Variants in SLC7A11 observed in about 807,000 individuals in gnomAD.
SLC7A11 encodes the protein solute carrier family 7 member 11, also known as cystine/glutamate transporter.
In SLC7A11, 35 loss-of-function variants were observed where a neutral mutation model predicts 54.5. The ratio of observed to expected loss-of-function variants is 0.64; its 90% CI spans 0.49 to 0.85. The LOEUF is 0.85. Among genes scored for constraint, SLC7A11 ranks in the 40% least tolerant of loss-of-function variants. The pLI, the probability that SLC7A11 is intolerant of heterozygous loss-of-function variation, is 0.00. For synonymous variants in SLC7A11, 230 were observed against 225.2 expected (o/e 1.02, Z -0.19); for missense variants, 583 against 618.1 (o/e 0.94, Z 0.60).
At chr4:138,237,889 T>A (rs1217395637) in intron 1 of SLC7A11, among the ~76,000 whole-genome samples, 1 of 148,962 alleles carries the variant, frequency 6.7e-6, no homozygotes. Flanking sequence ...GTAGTTGGGA[T>A]TAGAGGTGCC....
chr4:138,167,352 A>G lies in SLC7A11; in HGVS notation c.*4604T>C, dbSNP rs1000286592. On this transcript the variant is annotated 3_prime_UTR_variant, in exon 12 of 12. Transcript: ENST00000280612. The stretch of plus-strand genomic sequence containing the variant: ...TTTTTAGTTGAGACAGGGTTTCACC[A>G]TGTTGGCCAGGCTGATCTCGAACTC... The G allele has an allele frequency of 2.2e-4, 33 of 151,532 alleles. No homozygotes were observed. Among genetic ancestry groups the G allele is most frequent in the Admixed American group, 2.1e-3 (32 of 15,180 alleles). The allele number at this position is 151,532 out of a possible 1,614,324, so 9.4% of individuals were successfully genotyped here.
intron 1 of SLC7A11, among the ~76,000 whole-genome samples, chr4:138,237,739 T>TATATATA (rs1738270196): frequency 2.2e-4 from 2 of 9,194 alleles, no homozygotes; most frequent in Admixed American, 2.2e-3. Flanking sequence ...ATATATATAT[T>TATATATA]TTTTTTTTTT....
At chr4:138,184,146 G>A (rs921313197) in intron 7 of SLC7A11, among the ~76,000 whole-genome samples, 9 of 152,146 alleles carry the variant, frequency 5.9e-5, no homozygotes, top group South Asian at 2.1e-4. Context: ...GCTGCCCTTT[G>A]TCTCAAAAGA....
chr4:138,224,542 A>C (rs761567913), intron 3 of SLC7A11, among the ~76,000 whole-genome samples: 1 of 152,114 alleles, frequency 6.6e-6, no homozygotes, highest in Admixed American at 6.6e-5. Context: ...TGATATAGTT[A>C]CTAGCTCACT....
At chr4:138,237,383 T>C (rs1456130386) in intron 1 of SLC7A11, among the ~76,000 whole-genome samples, 1 of 151,392 alleles carries the variant, frequency 6.6e-6, no homozygotes, top group Non-Finnish European at 1.5e-5. Context: ...TGAAGTGTAC[T>C]CTCTGGGTGT....
chr4:138,181,934 T>C (rs1051858100), intron 9 of SLC7A11, among the ~76,000 whole-genome samples: 29 of 152,274 alleles, frequency 1.9e-4, no homozygotes, highest in African/African-American at 6.0e-4. Context: ...TGGGTACTTT[T>C]TGGACTGTAG....
intron 2 of SLC7A11, 85 bp downstream of exon 2, chr4:138,236,240 G>A (rs915539655): frequency 8.7e-7 from 1 of 1,154,170 alleles, no homozygotes; most frequent in Middle Eastern, 2.2e-4. Flanking sequence ...TGACATGCAT[G>A]TGTCTAACCA....
chr4:138,174,418 C>T (rs530292114), intron 11 of SLC7A11: 4 of 152,302 alleles, frequency 2.6e-5, no homozygotes, highest in African/African-American at 9.6e-5. Flanking sequence ...TTTAATCAGC[C>T]CTGTTGACAA....
At position 138,180,796 on chromosome 4, in the gene SLC7A11, G is replaced by C; in HGVS notation, c.1117-6C>G. On this transcript the variant is annotated splice_polypyrimidine_tract_variant and splice_region_variant and intron_variant, in intron 9 of 11. Coordinates refer to ENST00000280612, the MANE Select transcript of SLC7A11 (RefSeq NM_014331.4). ...ATTATCATTGTCAAAGGGTGCTGAG[G>C]GGGGAAAGGGAAGCAAGCTTGGTGA... 2 of 1,608,568 alleles carry C rather than the reference G, an allele frequency of 1.2e-6. No individual in the cohort carries two copies. The highest frequency in any genetic ancestry group is 2.2e-5 in the East Asian group (1 of 44,590).
chr4:138,181,848 G>A (rs1463735013), intron 9 of SLC7A11, among the ~76,000 whole-genome samples: 2 of 151,990 alleles, frequency 1.3e-5, no homozygotes, highest in Non-Finnish European at 2.9e-5. Flanking sequence ...AATGAATCAT[G>A]GCACTGTCTA....
At chr4:138,207,003 A>AAAC (rs1288960545) in intron 6 of SLC7A11, among the ~76,000 whole-genome samples, 1 of 150,942 alleles carries the variant, frequency 6.6e-6, no homozygotes, top group Non-Finnish European at 1.5e-5. Flanking sequence ...AAGCAAAAAA[A>AAAC]AAAAAAAAAC....
At chr4:138,213,000 A>G (rs1737588745) in intron 6 of SLC7A11, among the ~76,000 whole-genome samples, 1 of 151,958 alleles carries the variant, frequency 6.6e-6, no homozygotes, top group Non-Finnish European at 1.5e-5. Flanking sequence ...TACATATTTT[A>G]TATTATATCC....
chr4:138,238,420 AT>A (rs1560743224), intron 1 of SLC7A11, among the ~76,000 whole-genome samples: 1 of 152,266 alleles, frequency 6.6e-6, no homozygotes, highest in East Asian at 1.9e-4. Flanking sequence ...TAAGAACACA[AT>A]TTTTTTCCAA....
At chr4:138,198,421 T>C (rs1035827933) in intron 6 of SLC7A11, among the ~76,000 whole-genome samples, 1 of 152,132 alleles carries the variant, frequency 6.6e-6, no homozygotes, top group Admixed American at 6.6e-5. Flanking sequence ...TGCTCCAAAA[T>C]GGTAACCACG....
At chr4:138,178,749 A>T (rs561927089) in intron 11 of SLC7A11, among the ~76,000 whole-genome samples, 1 of 152,230 alleles carries the variant, frequency 6.6e-6, no homozygotes, top group East Asian at 1.9e-4. Flanking sequence ...TTGTTATTAT[A>T]ATCCTTCATG....
At chr4:138,240,295 G>A (rs565816807) in intron 1 of SLC7A11, among the ~76,000 whole-genome samples, 26 of 152,070 alleles carry the variant, frequency 1.7e-4, no homozygotes, top group South Asian at 1.5e-3. Context: ...GACCGGGCGC[G>A]GTGGCTCATA....
Position 138,168,669 on chromosome 4 carries a change from T to C in SLC7A11, c.*3287A>G, listed in dbSNP as rs1013944070. The C allele has an allele frequency of 1.3e-5, 2 of 152,182 alleles. No homozygotes were observed. Among genetic ancestry groups the C allele is most frequent in the Non-Finnish European group, 2.9e-5 (2 of 68,022 alleles). 9.4% of individuals were successfully genotyped at this position (152,182 alleles called of 1,614,324 possible). On this transcript the variant is annotated 3_prime_UTR_variant, in exon 12 of 12. Transcript: ENST00000280612. Reference sequence around the variant, plus strand: ...TATCTTAGTGTTGGAGAAACCGTCATGCATTGCTAACGTAACCTAATAAGC... The same window carrying C: ...TATCTTAGTGTTGGAGAAACCGTCACGCATTGCTAACGTAACCTAATAAGC...
At position 138,204,534 on chromosome 4, in the gene SLC7A11, T is replaced by A. The variant is rs185251635; in HGVS notation, c.791+10051A>T. Among the ~76,000 whole-genome samples the A allele has an allele frequency of 9.6e-3, 1,467 of 152,074 alleles. 13 individuals carry two copies. Among genetic ancestry groups the A allele is most frequent in the Admixed American group, 0.013 (204 of 15,212 alleles). On this transcript the variant is annotated intron_variant, in intron 6 of 11. Coordinates refer to ENST00000280612, the MANE Select transcript of SLC7A11 (RefSeq NM_014331.4). Reference sequence around the variant, plus strand: ...TTCTAGAAAAAGTAAAAATAAAATATTAAAATACATGATGCCAGCCACTCA... The same window carrying A: ...TTCTAGAAAAAGTAAAAATAAAATAATAAAATACATGATGCCAGCCACTCA...
intron 6 of SLC7A11, among the ~76,000 whole-genome samples, chr4:138,212,335 TA>T (rs1475806106): frequency 6.6e-6 from 1 of 151,876 alleles, no homozygotes; most frequent in East Asian, 1.9e-4. Context: ...CTTGCTCTAA[TA>T]AAGTATATAA....
Sources: gnomAD v4.1 joint callset for allele counts (sites outside exome capture counted in the v4.1 genomes callset) on GRCh38, gnomAD v4.1.1 for gene constraint, MANE v1.5 for transcripts, NCBI Gene and HGNC (gene_info 2026-07-23, HGNC 2026-07-21) for gene names.